RBMS3: variants seen among roughly 807,000 people sequenced by gnomAD.
The protein encoded by RBMS3 is RNA-binding motif, single-stranded-interacting protein 3.
In RBMS3, 27 loss-of-function variants were observed where a neutral mutation model predicts 66.8. The observed-to-expected ratio is 0.40, with a 90% CI of 0.30 to 0.56. The LOEUF is 0.56. Among genes scored for constraint, RBMS3 ranks in the 20% least tolerant of loss-of-function variants. The pLI, the probability that RBMS3 is intolerant of heterozygous loss-of-function variation, is 0.40. For synonymous variants in RBMS3, 188 were observed against 183.0 expected (o/e 1.03, Z -0.22); for missense variants, 513 against 549.5 (o/e 0.93, Z 0.66).
At chr3:29,799,540 A>C (rs569564574) in intron 6 of RBMS3, among the ~76,000 whole-genome samples, 1 of 152,328 alleles carries the variant, frequency 6.6e-6, no homozygotes, top group South Asian at 2.1e-4. Flanking sequence ...AAACTTCCTT[A>C]TTCATTTTAA....
chr3:29,716,308 T>TAC (rs1247900955), intron 4 of RBMS3, among the ~76,000 whole-genome samples: 1 of 152,174 alleles, frequency 6.6e-6, no homozygotes, highest in Non-Finnish European at 1.5e-5. Context: ...CTTATTACCA[T>TAC]ACAATGGTGT....
intron 6 of RBMS3, among the ~76,000 whole-genome samples, chr3:29,808,207 A>G (rs2057619022): frequency 6.6e-6 from 1 of 151,902 alleles, no homozygotes; most frequent in Non-Finnish European, 1.5e-5. Flanking sequence ...TCAGCAGATA[A>G]TATTCGTATT....
At chr3:29,525,458 C>T (rs2045056760) in intron 3 of RBMS3, among the ~76,000 whole-genome samples, 1 of 152,156 alleles carries the variant, frequency 6.6e-6, no homozygotes, top group Non-Finnish European at 1.5e-5. Context: ...CTTCAGCTGG[C>T]CCTCCATCAA....
chr3:29,446,564 G>C (rs1179526083), intron 2 of RBMS3, among the ~76,000 whole-genome samples: 2 of 151,896 alleles, frequency 1.3e-5, no homozygotes, highest in East Asian at 3.9e-4. Context: ...TACAATTTAG[G>C]TTGCAGTTAA....
chr3:29,573,406 CATG>C (rs1263009914), intron 3 of RBMS3, among the ~76,000 whole-genome samples: 1 of 152,170 alleles, frequency 6.6e-6, no homozygotes, highest in East Asian at 1.9e-4. Flanking sequence ...CATGAGCCAC[CATG>C]CTCAGCTTCC....
chr3:29,865,627 G>T (rs1256532695), intron 6 of RBMS3, among the ~76,000 whole-genome samples: 1 of 152,064 alleles, frequency 6.6e-6, no homozygotes, highest in East Asian at 1.9e-4. Context: ...GGGAAAACTG[G>T]TATGGGAACT....
intron 1 of RBMS3, among the ~76,000 whole-genome samples, chr3:29,364,214 T>G (rs2125587872): frequency 6.6e-6 from 1 of 152,242 alleles, no homozygotes; most frequent in South Asian, 2.1e-4. Flanking sequence ...TGCAAAACAA[T>G]GCATATAGAG....
intron 6 of RBMS3, among the ~76,000 whole-genome samples, chr3:29,795,069 T>G (rs2057138407): frequency 6.6e-6 from 1 of 152,214 alleles, no homozygotes; most frequent in Non-Finnish European, 1.5e-5. Flanking sequence ...TCATGTGTGT[T>G]ATCATAGGAA....
At chr3:29,342,092 G>A (rs1188906859) in intron 1 of RBMS3, among the ~76,000 whole-genome samples, 1 of 152,126 alleles carries the variant, frequency 6.6e-6, no homozygotes, top group African/African-American at 2.4e-5. Context: ...TACGATTCTT[G>A]ATGTGATAAG....
chr3:29,686,686 T>C (rs959730471), intron 4 of RBMS3, among the ~76,000 whole-genome samples: 12 of 152,020 alleles, frequency 7.9e-5, no homozygotes, highest in African/African-American at 2.4e-4. Flanking sequence ...GTAAAAAAAA[T>C]TCAAAAACAA....
At chr3:29,432,883 A>T (rs1413526187) in intron 1 of RBMS3, among the ~76,000 whole-genome samples, 1 of 152,140 alleles carries the variant, frequency 6.6e-6, no homozygotes, top group Non-Finnish European at 1.5e-5. Flanking sequence ...TTGGAGAAAA[A>T]GTCTGATAAA....
chr3:29,626,471 T>C (rs567330777), intron 4 of RBMS3, among the ~76,000 whole-genome samples: 1 of 152,280 alleles, frequency 6.6e-6, no homozygotes, highest in Admixed American at 6.5e-5. Context: ...TAAGGATAAA[T>C]ATTGCAGTGT....
At chr3:29,950,013 A>C (rs1483795071) in intron 12 of RBMS3, among the ~76,000 whole-genome samples, 1 of 151,820 alleles carries the variant, frequency 6.6e-6, no homozygotes, top group African/African-American at 2.4e-5. Context: ...GTGTCCACTG[A>C]TATTACTCTT....
Position 29,416,081 on chromosome 3 carries a change from A to G in RBMS3, c.76-18662A>G, listed in dbSNP as rs1004189869. On this transcript the variant is annotated intron_variant, in intron 1 of 14. Transcript: ENST00000383767. ...TAGAATTAAACATCTGTTGCTTTCA[A>G]CTTTCTTGGTGCTCTCCCTATTTAC... 9.9e-5 allele frequency among the ~76,000 whole-genome samples: 15 copies of G among 152,248 alleles called. No individual in the cohort carries two copies. In the East Asian group the frequency reaches 1.5e-3, roughly 16 times the overall value.
At chr3:29,311,734 A>G (rs2034387908) in intron 1 of RBMS3, among the ~76,000 whole-genome samples, 1 of 151,816 alleles carries the variant, frequency 6.6e-6, no homozygotes, top group Non-Finnish European at 1.5e-5. Flanking sequence ...ATTTTAACAT[A>G]TAAACTTGAA....
intron 4 of RBMS3, among the ~76,000 whole-genome samples, chr3:29,681,609 G>T (rs1395997577): frequency 6.6e-6 from 1 of 151,820 alleles, no homozygotes; most frequent in Non-Finnish European, 1.5e-5. Flanking sequence ...ACAGTGTTTG[G>T]TTTTCTGTTC....
chr3:29,368,854 A>G (rs920416177), intron 1 of RBMS3, among the ~76,000 whole-genome samples: 2 of 152,138 alleles, frequency 1.3e-5, no homozygotes. Flanking sequence ...ATCGGTCTAC[A>G]TACATGCATA....
chr3:29,764,604 C>T (rs1332426374), intron 6 of RBMS3, among the ~76,000 whole-genome samples: 1 of 151,878 alleles, frequency 6.6e-6, no homozygotes, highest in Admixed American at 6.6e-5. Context: ...CAAGTTTTAG[C>T]ACAAGTCTCA....
chr3:29,410,806 C>T (rs2040234833), intron 1 of RBMS3, among the ~76,000 whole-genome samples: 1 of 152,060 alleles, frequency 6.6e-6, no homozygotes, highest in African/African-American at 2.4e-5. Flanking sequence ...CTGGTGTTGA[C>T]AGGAGAGAAC....
Sources: allele counts gnomAD v4.1 joint callset (sites outside exome capture counted in the v4.1 genomes callset), GRCh38; gene constraint gnomAD v4.1.1; transcripts MANE v1.5; gene names NCBI Gene and HGNC (gene_info 2026-07-23, HGNC 2026-07-21).